Variants in TEX11 observed in about 807,000 individuals in gnomAD.
TEX11 encodes the protein testis-expressed protein 11.
A neutral mutation model predicts 84.4 loss-of-function variants in TEX11; 7 were observed. The observed-to-expected ratio is 0.08, with a 90% CI of 0.05 to 0.16. TEX11 has a LOEUF of 0.16. TEX11 is among the 10% of genes least tolerant of loss of function. The pLI is 1.00. For missense variants in TEX11, 551 were observed against 660.5 expected (o/e 0.83, Z 1.82); for synonymous variants, 264 against 222.8 (o/e 1.18, Z -1.64).
intron 11 of TEX11, among the ~76,000 whole-genome samples, chrX:70,729,039 C>T (rs1239685347): frequency 1.1e-5 from 1 of 89,332 alleles, no homozygotes; most frequent in Non-Finnish European, 2.2e-5. Flanking sequence ...CGCTCTGATA[C>T]CCAGGCAAAC....
At chrX:70,869,618 A>G (rs1219136383) in intron 4 of TEX11, among the ~76,000 whole-genome samples, 2 of 111,692 alleles carry the variant, frequency 1.8e-5, no homozygotes, top group Non-Finnish European at 3.8e-5. Context: ...TCTACAAAAA[A>G]TACAAAAATT....
the TEX11 span, among the ~76,000 whole-genome samples, chrX:70,515,066 C>CACACAT: frequency 5.5e-4 from 5 of 9,063 alleles, no homozygotes; most frequent in Non-Finnish European, 6.4e-3. Context: ...GAAACTCGGT[C>CACACAT]ACACACACAC....
At chrX:70,794,621 G>T (rs1490172857) in intron 9 of TEX11, among the ~76,000 whole-genome samples, 1 of 108,686 alleles carries the variant, frequency 9.2e-6, no homozygotes, top group Non-Finnish European at 1.9e-5. Flanking sequence ...TTGCAATTTG[G>T]ATAACAACTC....
Position 70,624,909 on chromosome X carries a change from C to T in TEX11, c.1624G>A (p.Val542Met), listed in dbSNP as rs1603159219. The T allele has an allele frequency of 8.3e-7, 1 of 1,205,187 alleles. No homozygotes were observed. Among genetic ancestry groups the T allele is most frequent in the African/African-American group, 1.7e-5 (1 of 57,690 alleles). The change falls in exon 19 of 30, where the codon GTG (valine) becomes ATG (methionine). Residue 542 changes from valine (V) to methionine (M), a missense_variant. Val to Met is a conservative substitution (Grantham distance 21). Transcript: ENST00000374333. ...QFALENGQQIVAEKALEYLAQ... is the reference protein window; with the variant it reads ...QFALENGQQIMAEKALEYLAQ... ...AAATATTCCAAAGCTTTTTCTGCCA[C>T]AATTTGTTGTCCATTCTAAAAAGAA...
chrX:70,569,081 A>G (rs1603080925), intron 25 of TEX11, among the ~76,000 whole-genome samples: 2 of 111,341 alleles, frequency 1.8e-5, no homozygotes, highest in Admixed American at 1.9e-4. Flanking sequence ...ATAGTCCCAT[A>G]TTTCTTGGAG....
At chrX:70,850,708 T>C (rs150301219) in intron 7 of TEX11, among the ~76,000 whole-genome samples, 8,924 of 110,114 alleles carry the variant, frequency 0.081, 321 homozygotes, top group African/African-American at 0.15. Flanking sequence ...TGAGCTATGA[T>C]TGGGCCACAT....
chrX:70,675,335 T>G (rs1211172320), intron 15 of TEX11, among the ~76,000 whole-genome samples: 1 of 111,904 alleles, frequency 8.9e-6, no homozygotes, highest in Non-Finnish European at 1.9e-5. Flanking sequence ...TGATTAGTTA[T>G]TTCAGCTTTT....
intron 13 of TEX11, among the ~76,000 whole-genome samples, chrX:70,689,072 A>C (rs928751544): frequency 9.1e-6 from 1 of 110,435 alleles, no homozygotes; most frequent in Non-Finnish European, 1.9e-5. Flanking sequence ...ATGTATACTA[A>C]AATTGAACAA....
chrX:70,793,305 C>T (rs892093480), intron 9 of TEX11, among the ~76,000 whole-genome samples: 15 of 111,787 alleles, frequency 1.3e-4, no homozygotes, highest in South Asian at 3.8e-4. Flanking sequence ...CGCCCACACT[C>T]ACCACTTCTA....
In TEX11 at chrX:70,736,089, A is replaced by T. The variant is rs144875682; in HGVS notation, c.843+4612T>A. ...TATGGATTGTGTCTTCATTTTCTTG[A>T]TGATTTCCTTTGAAGCAAAAAAATT... On this transcript the variant is annotated intron_variant, in intron 11 of 29. Coordinates refer to ENST00000374333, the MANE Select transcript of TEX11 (RefSeq NM_031276.3). Among the ~76,000 whole-genome samples, 482 of 111,505 alleles carry T rather than the reference A, an allele frequency of 4.3e-3. 11 individuals carry two copies. The East Asian group carries it at 0.09, about 21-fold the overall frequency.
chrX:70,836,985 C>T (rs2091409114), intron 7 of TEX11, among the ~76,000 whole-genome samples: 1 of 111,135 alleles, frequency 9.0e-6, no homozygotes, highest in African/African-American at 3.3e-5. Context: ...CCACAGCACT[C>T]CACCCTGGGT....
At chrX:70,552,966 T>G (rs1045681438) in intron 27 of TEX11, among the ~76,000 whole-genome samples, 1 of 111,463 alleles carries the variant, frequency 9.0e-6, no homozygotes, top group Non-Finnish European at 1.9e-5. Flanking sequence ...TACGTTGGTG[T>G]TTGTTATATT....
At chrX:70,511,503 C>A in the TEX11 span, among the ~76,000 whole-genome samples, 1 of 110,250 alleles carries the variant, frequency 9.1e-6, no homozygotes, top group Non-Finnish European at 1.9e-5. Context: ...GCCTGTAATC[C>A]CAGCACTTTG....
intron 10 of TEX11, among the ~76,000 whole-genome samples, chrX:70,742,816 T>C (rs2090742447): frequency 9.1e-6 from 1 of 110,065 alleles, no homozygotes; most frequent in African/African-American, 3.3e-5. Context: ...CATTGCAGCC[T>C]CAAACTCCTG....
intron 28 of TEX11, among the ~76,000 whole-genome samples, chrX:70,547,206 T>C (rs1056289901): frequency 2.7e-5 from 3 of 110,153 alleles, no homozygotes; most frequent in African/African-American, 9.9e-5. Flanking sequence ...AGCGGATCTG[T>C]GGTTGCCTGG....
intron 9 of TEX11, among the ~76,000 whole-genome samples, chrX:70,786,490 T>C (rs1289718764): frequency 9.0e-6 from 1 of 110,910 alleles, no homozygotes; most frequent in Non-Finnish European, 1.9e-5. Context: ...AATAGATAAA[T>C]AAATAATAGA....
chrX:70,810,635 G>T (rs1683110179), intron 8 of TEX11, among the ~76,000 whole-genome samples: 1 of 110,602 alleles, frequency 9.0e-6, no homozygotes, highest in South Asian at 3.9e-4. Context: ...ATACACTGGG[G>T]CCTGTTGAGG....
intron 17 of TEX11, among the ~76,000 whole-genome samples, chrX:70,639,516 CCT>C (rs1242950726): frequency 6.2e-5 from 7 of 112,153 alleles, no homozygotes; most frequent in Non-Finnish European, 1.3e-4. Context: ...CTTAACTGTC[CCT>C]GTCTGACAGC....
At chrX:70,525,384 G>A (rs1185989152), downstream of TEX11, among the ~76,000 whole-genome samples, 2 of 110,983 alleles carry the variant, frequency 1.8e-5, no homozygotes, top group Non-Finnish European at 3.8e-5. Context: ...TCAGGAGTTC[G>A]AGAGCAGCCT....
Sources: gnomAD v4.1 joint callset for allele counts (sites outside exome capture counted in the v4.1 genomes callset) on GRCh38, gnomAD v4.1.1 for gene constraint, MANE v1.5 for transcripts, NCBI Gene and HGNC (gene_info 2026-07-23, HGNC 2026-07-21) for gene names.